The following HMCN1 variants were observed in gnomAD, a reference collection of about 807,000 sequenced individuals.
HMCN1 encodes hemicentin-1.
A neutral mutation model predicts 625.9 loss-of-function variants in HMCN1; 321 were observed. The ratio of observed to expected loss-of-function variants is 0.51; its 90% confidence interval spans 0.47 to 0.56. The LOEUF is 0.56. HMCN1 is among the 20% of genes least tolerant of loss of function. The probability of loss-of-function intolerance (pLI) is 0.00; values close to 1 mark genes in which losing one functional copy is unlikely to be tolerated. For missense variants in HMCN1, 6,588 were observed against 6,887.3 expected, an observed-to-expected ratio of 0.96 and a Z score of 1.54; for synonymous variants, 2,425 against 2,417.6, an observed-to-expected ratio of 1.00 and a Z score of -0.09.
rs769559223 is a variant in HMCN1, at chr1:186,137,624, G to T, written c.13709G>T (p.Gly4570Val). 1.2e-6 allele frequency: 2 copies of T among 1,613,980 alleles called. No homozygotes were observed. Among genetic ancestry groups the T allele is most frequent in the Admixed American group, 1.7e-5 (1 of 59,966 alleles). Reference sequence around the variant, plus strand: ...GCCAATGGTGGGAAGCCCTGCCAAGGTTCAGATTTGGAAATGCGAAACTGT... The same window carrying T: ...GCCAATGGTGGGAAGCCCTGCCAAGTTTCAGATTTGGAAATGCGAAACTGT... The part of the protein sequence containing the change: ...LPANGGKPCQ[G>V]SDLEMRNCQN... Residue 4570 changes from glycine to valine, a missense_variant, in exon 88 of 107, where the codon GGT (glycine) becomes GTT (valine). Around this residue, in one of 3 missense-constraint regions of HMCN1, gnomAD observed 1,954 missense variants for 2,013.1 expected, o/e 0.97. Coordinates refer to ENST00000271588, the MANE Select transcript of HMCN1 (RefSeq NM_031935.3).
chr1:185,785,763 C>T (rs1336515113), intron 1 of HMCN1, among the ~76,000 whole-genome samples: 1 of 152,194 alleles, frequency 6.6e-6, no homozygotes, highest in Non-Finnish European at 1.5e-5. Context: ...TGATAGCAGA[C>T]TCTCTGTCTT....
chr1:185,908,562 T>C (rs1287097848), intron 4 of HMCN1, among the ~76,000 whole-genome samples: 1 of 151,980 alleles, frequency 6.6e-6, no homozygotes, highest in Non-Finnish European at 1.5e-5. Context: ...TCTTTGTTAG[T>C]GCAGAAACTT....
chr1:185,943,796 C>T (rs550856989), intron 11 of HMCN1, among the ~76,000 whole-genome samples: 1 of 152,290 alleles, frequency 6.6e-6, no homozygotes, highest in South Asian at 2.1e-4. Flanking sequence ...GATGAAATTT[C>T]CAACCCTGTA....
At chr1:185,935,832 T>TG (rs1667786423) in intron 11 of HMCN1, among the ~76,000 whole-genome samples, 1 of 152,166 alleles carries the variant, frequency 6.6e-6, no homozygotes. Context: ...TATGGTTGAA[T>TG]GTACTATAGA....
chr1:185,773,589 T>C (rs1011006440), intron 1 of HMCN1, among the ~76,000 whole-genome samples: 19 of 152,158 alleles, frequency 1.2e-4, no homozygotes, highest in African/African-American at 4.1e-4. Context: ...AGGGCTTTGA[T>C]GTACATTTCA....
At position 185,871,228 on chromosome 1, in the gene HMCN1, C is replaced by CAA. The variant is rs556627020; in HGVS notation, c.621+5382_621+5383dup. On this transcript the variant is annotated intron_variant, in intron 4 of 106. Transcript: ENST00000271588. Reference sequence around the variant, plus strand: ...TGGGCGACAGAGAGAGACTCCGTCTCAAAAAAAAAAAAAAAAAAGTCAGCA... The same window carrying CAA: ...TGGGCGACAGAGAGAGACTCCGTCTCAAAAAAAAAAAAAAAAAAAAGTCAGCA... Among the ~76,000 whole-genome samples, 287 of 67,312 alleles carry CAA rather than the reference C, an allele frequency of 4.3e-3. 1 individual carries two copies. Among genetic ancestry groups the CAA allele is most frequent in the African/African-American group, 0.012 (269 of 21,554 alleles). The allele number at this position is 67,312 out of a possible 152,430, so 44.2% of individuals were successfully genotyped here. A position where few individuals can be genotyped will look rare whatever the true frequency, so the allele number is the denominator to read the frequency against.
Position 186,082,890 on chromosome 1 carries a change from T to A in HMCN1, c.8813T>A (p.Ile2938Asn), listed in dbSNP as rs748510163. The A allele has an allele frequency of 1.9e-6, 3 of 1,588,114 alleles. No homozygotes were observed. The African/African-American group carries it at 4.0e-5, about 21-fold the overall frequency. Reference protein sequence around the residue: ...LQILNTQITDIGRYVCVAENT... With the variant: ...LQILNTQITDNGRYVCVAENT... ...ATTCTGAATACTCAAATAACAGATATCGGCAGGTATGTGTGTGTTGCTGAG... is the reference window on the plus strand; with the variant it reads ...ATTCTGAATACTCAAATAACAGATAACGGCAGGTATGTGTGTGTTGCTGAG... The change falls in exon 57 of 107, where the codon ATC becomes AAC. Residue 2938 changes from isoleucine (I) to asparagine (N), a missense_variant. Coordinates refer to ENST00000271588, the MANE Select transcript of HMCN1 (RefSeq NM_031935.3).
intron 1 of HMCN1, among the ~76,000 whole-genome samples, chr1:185,822,788 T>TGATA (rs1001882646): frequency 2.0e-5 from 3 of 152,152 alleles, no homozygotes; most frequent in African/African-American, 7.2e-5. Context: ...TTTTAAAAAT[T>TGATA]GATAGTGTTT....
Position 186,063,067 on chromosome 1 carries a change from CATATATATATATATATATATAT to C in HMCN1, c.7513+482_7513+503del, listed in dbSNP as rs775036108. The stretch of plus-strand genomic sequence containing the variant: ...GTGTGTGTGTGTGTGTGTGTGTGTG[CATATATATATATATATATATAT>C]ATATATATATATATCACATTTTCAT... On this transcript the variant is annotated intron_variant, in intron 48 of 106. Transcript: ENST00000271588. Among the ~76,000 whole-genome samples, 19 of 59,840 alleles carry C rather than the reference CATATATATATATATATATATAT, an allele frequency of 3.2e-4. 1 individual carries two copies. The highest frequency in any genetic ancestry group is 9.8e-4 in the Admixed American group (5 of 5,100). The allele number at this position is 59,840 out of a possible 152,430, so 39.3% of individuals were successfully genotyped here.
At chr1:186,136,002 G>T (rs1239001285) in intron 86 of HMCN1, among the ~76,000 whole-genome samples, 1 of 152,106 alleles carries the variant, frequency 6.6e-6, no homozygotes, top group Non-Finnish European at 1.5e-5. Context: ...AATAAATGAT[G>T]GCCAGTGGTA....
chr1:185,966,942 A>C (rs779624259), intron 14 of HMCN1, among the ~76,000 whole-genome samples: 66 of 152,228 alleles, frequency 4.3e-4, no homozygotes, highest in Non-Finnish European at 8.5e-4. Flanking sequence ...GTCCATACTG[A>C]AAGATTTTTA....
At chr1:185,874,521 G>A (rs887775557) in intron 4 of HMCN1, among the ~76,000 whole-genome samples, 12 of 152,032 alleles carry the variant, frequency 7.9e-5, no homozygotes, top group African/African-American at 2.6e-4. Context: ...GGTTATAAAA[G>A]CAAAATCTTT....
chr1:185,894,792 A>G (rs1665389941), intron 4 of HMCN1, among the ~76,000 whole-genome samples: 5 of 152,228 alleles, frequency 3.3e-5, no homozygotes, highest in Admixed American at 2.0e-4. Flanking sequence ...TGACAATTAT[A>G]GAAGACAAGT....
chr1:185,973,301 A>T (rs924825171), intron 15 of HMCN1, among the ~76,000 whole-genome samples: 4 of 152,122 alleles, frequency 2.6e-5, no homozygotes, highest in African/African-American at 9.7e-5. Flanking sequence ...ACCTTGAAAA[A>T]TCATATGGAA....
chr1:185,952,766 T>G (rs1005918463), intron 11 of HMCN1, among the ~76,000 whole-genome samples: 15 of 151,310 alleles, frequency 9.9e-5, no homozygotes, highest in Non-Finnish European at 2.1e-4. Context: ...GAATGGAAGG[T>G]GGAAGCTTGC....
chr1:186,028,946 C>T (rs1490608330), intron 36 of HMCN1, among the ~76,000 whole-genome samples: 8 of 151,758 alleles, frequency 5.3e-5, no homozygotes, highest in African/African-American at 1.9e-4. Context: ...AGGCTGATCT[C>T]GAACTCCTCA....
chr1:185,949,757 A>G (rs968028042), intron 11 of HMCN1, among the ~76,000 whole-genome samples: 2 of 151,842 alleles, frequency 1.3e-5, no homozygotes, highest in Admixed American at 6.6e-5. Flanking sequence ...ATCTGCCTAG[A>G]CTAAGAGGTA....
At chr1:185,920,247 G>A (rs148679791) in intron 6 of HMCN1, among the ~76,000 whole-genome samples, 2,041 of 152,052 alleles carry the variant, frequency 0.013, 32 homozygotes, top group African/African-American at 0.045. Flanking sequence ...TTTATTGTAT[G>A]TTTAAACCAG....
At position 185,981,775 on chromosome 1, in the gene HMCN1, A is replaced by C. The variant is rs1264691122; in HGVS notation, c.2663-487A>C. On this transcript the variant is annotated intron_variant, in intron 17 of 106. Coordinates refer to ENST00000271588, the MANE Select transcript of HMCN1 (RefSeq NM_031935.3). ...TTAATTTTTAGAGAAGGGCATATTT[A>C]CAATACTCCTTTACCATTCCATCTA... 5.3e-5 allele frequency among the ~76,000 whole-genome samples: 8 copies of C among 152,154 alleles called. No individual in the cohort carries two copies. The East Asian group carries it at 1.3e-3, about 26-fold the overall frequency.
Sources: gnomAD v4.1 joint callset for allele counts (sites outside exome capture counted in the v4.1 genomes callset) on GRCh38, gnomAD v4.1.1 for gene constraint, gnomAD v4.1.1 regional missense constraint, MANE v1.5 for transcripts, NCBI Gene and HGNC (gene_info 2026-07-23, HGNC 2026-07-21) for gene names.